Variants in SAMSN1 observed in about 807,000 individuals in gnomAD.
SAMSN1 encodes SAM domain, SH3 domain and nuclear localization signals 1, also known as SAM domain-containing protein SAMSN-1.
Under a neutral mutation model 42.0 loss-of-function variants are expected in SAMSN1, and 31 were observed. The observed-to-expected ratio is 0.74, with a 90% confidence interval of 0.55 to 1.00. The LOEUF is 1.00. Ranked by LOEUF, SAMSN1 falls within the 50% of genes least tolerant of loss-of-function variation. SAMSN1 has a pLI of 0.00. For synonymous variants in SAMSN1, 178 were observed against 151.9 expected (o/e 1.17, Z -1.26); for missense variants, 464 against 439.4 (o/e 1.06, Z -0.50).
intron 2 of SAMSN1, among the ~76,000 whole-genome samples, chr21:14,563,218 A>T (rs1269960000): frequency 1.3e-5 from 2 of 152,220 alleles, no homozygotes; most frequent in African/African-American, 4.8e-5. Context: ...TAATTTAACA[A>T]CTGTAAGATA....
At chr21:14,539,408 C>T (rs1979852096) in intron 1 of SAMSN1, among the ~76,000 whole-genome samples, 1 of 152,096 alleles carries the variant, frequency 6.6e-6, no homozygotes, top group African/African-American at 2.4e-5. Flanking sequence ...TATCTCAGCC[C>T]AAAATCTCCT....
chr21:14,565,989 C>T (rs1171023337), intron 2 of SAMSN1, among the ~76,000 whole-genome samples: 2 of 152,180 alleles, frequency 1.3e-5, no homozygotes, highest in Admixed American at 6.6e-5. Context: ...TTATTCACTT[C>T]CAATTACCTA....
chr21:14,650,786 C>T (rs1283385668), intron 1 of SAMSN1, among the ~76,000 whole-genome samples: 2 of 151,432 alleles, frequency 1.3e-5, no homozygotes, highest in Admixed American at 6.6e-5. Context: ...AACTTTTAGA[C>T]AGACTGAAAA....
chr21:14,487,796 G>A (rs1017390808), intron 7 of SAMSN1, among the ~76,000 whole-genome samples: 1 of 152,020 alleles, frequency 6.6e-6, no homozygotes, highest in East Asian at 1.9e-4. Flanking sequence ...CAAATATCAG[G>A]TATTTGCCTA....
chr21:14,516,912 T>G lies in SAMSN1; in HGVS notation c.259A>C (p.Lys87Gln). The change falls in exon 3 of 8, where the codon AAA (lysine) becomes CAA (glutamine). Residue 87 changes from lysine to glutamine, a missense_variant. Transcript: ENST00000400566. ...MKKKVGKKYI[K>Q]ALSEEKDEED... ...TTTACCTTTTCCTCAGAAAGGGCTT[T>G]GATGTACTTTTTACCCACTTTTTTC... 6.2e-7 allele frequency: 1 copy of G among 1,609,982 alleles called. No homozygotes were observed.
chr21:14,524,199 A>G (rs1168870230), intron 1 of SAMSN1, among the ~76,000 whole-genome samples: 4 of 152,214 alleles, frequency 2.6e-5, no homozygotes, highest in African/African-American at 9.6e-5. Flanking sequence ...AAGTTTTATG[A>G]TAACAAGGTG....
intron 5 of SAMSN1, among the ~76,000 whole-genome samples, chr21:14,504,693 A>G (rs550664065): frequency 2.1e-4 from 32 of 152,356 alleles, no homozygotes; most frequent in African/African-American, 7.7e-4. Context: ...AGGAATAATC[A>G]AGGAAAACTT....
At chr21:14,551,058 A>G (rs1274361567), upstream of SAMSN1, among the ~76,000 whole-genome samples, 2 of 152,066 alleles carry the variant, frequency 1.3e-5, no homozygotes, top group Non-Finnish European at 2.9e-5. Flanking sequence ...TTCTCATTAC[A>G]AATTTAAATA....
intron 6 of SAMSN1, among the ~76,000 whole-genome samples, chr21:14,597,695 A>G (rs928832565): frequency 6.6e-6 from 1 of 152,318 alleles, no homozygotes; most frequent in Admixed American, 6.5e-5. Context: ...TCTGTAAAAT[A>G]GAAGTGCAGA....
chr21:14,607,594 T>C (rs1280667423), intron 5 of SAMSN1, among the ~76,000 whole-genome samples: 1 of 152,180 alleles, frequency 6.6e-6, no homozygotes, highest in Non-Finnish European at 1.5e-5. Flanking sequence ...CTGAGAAATA[T>C]CAAAGCTGGG....
chr21:14,596,737 C>T (rs1268412007), intron 6 of SAMSN1, among the ~76,000 whole-genome samples: 2 of 152,034 alleles, frequency 1.3e-5, no homozygotes, highest in African/African-American at 2.4e-5. Context: ...GGTCACCTAC[C>T]TATAGCCATG....
intron 1 of SAMSN1, among the ~76,000 whole-genome samples, chr21:14,542,996 A>T (rs917468264): frequency 1.3e-5 from 2 of 152,192 alleles, no homozygotes; most frequent in Non-Finnish European, 2.9e-5. Flanking sequence ...AGTACCTTGC[A>T]TGTATGTTAA....
chr21:14,510,003 G>A (rs920771231), intron 5 of SAMSN1, among the ~76,000 whole-genome samples: 3 of 152,030 alleles, frequency 2.0e-5, no homozygotes, highest in African/African-American at 7.3e-5. Context: ...GCCGGGCGTG[G>A]TGGCGGGCGC....
chr21:14,631,102 C>T (rs1370314681), intron 2 of SAMSN1, among the ~76,000 whole-genome samples: 1 of 152,168 alleles, frequency 6.6e-6, no homozygotes, highest in Non-Finnish European at 1.5e-5. Flanking sequence ...TGTGCAGTGA[C>T]AACATCTTAA....
intron 2 of SAMSN1, among the ~76,000 whole-genome samples, chr21:14,637,399 T>A (rs546061161): frequency 3.3e-5 from 5 of 152,366 alleles, no homozygotes; most frequent in Admixed American, 3.3e-4. Flanking sequence ...TAATTCAATA[T>A]GTTATTAAAA....
intron 3 of SAMSN1, among the ~76,000 whole-genome samples, chr21:14,515,681 C>T (rs1001798000): frequency 6.6e-6 from 1 of 152,016 alleles, no homozygotes; most frequent in African/African-American, 2.4e-5. Context: ...CAAACAACAC[C>T]ATCAAGAAAA....
intron 2 of SAMSN1, among the ~76,000 whole-genome samples, chr21:14,573,069 T>G (rs1401290936): frequency 1.3e-5 from 2 of 152,176 alleles, no homozygotes; most frequent in Non-Finnish European, 2.9e-5. Flanking sequence ...GTGACCATGA[T>G]TATCACAATG....
chr21:14,646,180 A>G (rs540376981), intron 1 of SAMSN1, among the ~76,000 whole-genome samples: 2 of 152,216 alleles, frequency 1.3e-5, no homozygotes, highest in Non-Finnish European at 2.9e-5. Context: ...TAGAACACCA[A>G]GCAGATTTAA....
chr21:14,525,623 C>G (rs1429839567), intron 1 of SAMSN1, among the ~76,000 whole-genome samples: 1 of 152,134 alleles, frequency 6.6e-6, no homozygotes, highest in African/African-American at 2.4e-5. Context: ...TAATGTTACT[C>G]TCTTATATAC....
Sources: gnomAD v4.1 joint callset for allele counts (sites outside exome capture counted in the v4.1 genomes callset) on GRCh38, gnomAD v4.1.1 for gene constraint, MANE v1.5 for transcripts, NCBI Gene and HGNC (gene_info 2026-07-23, HGNC 2026-07-21) for gene names.